The following AOAH variants were observed in gnomAD, a reference collection of about 807,000 sequenced individuals.
AOAH encodes the protein acyloxyacyl hydrolase (neutrophil).
A neutral mutation model predicts 92.2 loss-of-function variants in AOAH; 64 were observed. The ratio of observed to expected loss-of-function variants is 0.69; its 90% CI spans 0.57 to 0.86. AOAH has a LOEUF of 0.86. AOAH is among the 40% of genes least tolerant of loss of function. The pLI is 0.00. For missense variants in AOAH, 656 were observed against 694.6 expected, an observed-to-expected ratio of 0.94 and a Z score of 0.62; for synonymous variants, 263 against 254.5, an observed-to-expected ratio of 1.03 and a Z score of -0.32.
intron 6 of AOAH, among the ~76,000 whole-genome samples, chr7:36,629,427 C>T (rs1562638217): frequency 6.6e-6 from 1 of 152,156 alleles, no homozygotes; most frequent in East Asian, 1.9e-4. Flanking sequence ...GGGCAGGGGG[C>T]TCGATTTAAT....
chr7:36,633,234 C>T (rs919286679), intron 5 of AOAH, among the ~76,000 whole-genome samples: 1 of 152,218 alleles, frequency 6.6e-6, no homozygotes, highest in South Asian at 2.1e-4. Flanking sequence ...CACATCCCCA[C>T]CTCAGGGCTG....
At chr7:36,647,793 T>C (rs1013972169) in intron 4 of AOAH, among the ~76,000 whole-genome samples, 1 of 151,392 alleles carries the variant, frequency 6.6e-6, no homozygotes, top group African/African-American at 2.4e-5. Context: ...AGAGCATAAA[T>C]CCAGACATAG....
At chr7:36,644,305 C>T (rs558592080) in intron 4 of AOAH, among the ~76,000 whole-genome samples, 9 of 151,950 alleles carry the variant, frequency 5.9e-5, no homozygotes, top group Non-Finnish European at 2.9e-5. Flanking sequence ...TCACTCTGCG[C>T]TGGGAGATAG....
rs760640919 is a variant in AOAH at position 36,530,420 on chromosome 7, T to G, written c.1520A>C (p.Glu507Ala). The G allele has an allele frequency of 1.9e-6, 3 of 1,607,440 alleles. No individual in the cohort carries two copies. Among genetic ancestry groups the G allele is most frequent in the Middle Eastern group, 1.6e-4 (1 of 6,074 alleles). The part of the protein sequence containing the change: ...NLFYMDFAFH[E>A]IIQEWQKRGG... Reference sequence around the variant, plus strand: ...AATACCCAAACAAAGCTACTTACTTTCATGGAAGGCAAAATCCATGTAGAA... The same window carrying G: ...AATACCCAAACAAAGCTACTTACTTGCATGGAAGGCAAAATCCATGTAGAA... Residue 507 changes from glutamate to alanine, a missense_variant and splice_region_variant, in exon 19 of 21, where the codon GAA becomes GCA. By Grantham distance (107) the Glu-to-Ala change is moderately radical. Transcript: ENST00000617537.
intron 4 of AOAH, among the ~76,000 whole-genome samples, chr7:36,653,866 C>G (rs925882487): frequency 6.6e-6 from 1 of 152,142 alleles, no homozygotes; most frequent in African/African-American, 2.4e-5. Flanking sequence ...CTGGAGATCT[C>G]AAGTTCAGGG....
At chr7:36,579,676 A>G (rs955071265) in intron 12 of AOAH, among the ~76,000 whole-genome samples, 5 of 152,158 alleles carry the variant, frequency 3.3e-5, no homozygotes, top group Non-Finnish European at 5.9e-5. Flanking sequence ...GCATGGGAGA[A>G]AGATGTAGCC....
At chr7:36,615,345 T>C (rs1791782996) in intron 11 of AOAH, among the ~76,000 whole-genome samples, 1 of 152,236 alleles carries the variant, frequency 6.6e-6, no homozygotes, top group African/African-American at 2.4e-5. Flanking sequence ...TGAGGGAGAC[T>C]GCCAAAGAAA....
chr7:36,559,332 C>T (rs146191029), intron 13 of AOAH, among the ~76,000 whole-genome samples: 3 of 152,326 alleles, frequency 2.0e-5, no homozygotes, highest in Non-Finnish European at 2.9e-5. Context: ...AACTGCTTTC[C>T]ACAGTGGCTG....
intron 11 of AOAH, 48 bp downstream of exon 11, chr7:36,616,326 GAAACAA>G: frequency 6.9e-7 from 1 of 1,447,190 alleles, no homozygotes; most frequent in Non-Finnish European, 9.7e-7. Context: ...AGAGCAAGAG[GAAACAA>G]AAACAAAGGC....
At chr7:36,635,488 G>C (rs1047141614) in intron 5 of AOAH, among the ~76,000 whole-genome samples, 1 of 152,122 alleles carries the variant, frequency 6.6e-6, no homozygotes, top group Non-Finnish European at 1.5e-5. Flanking sequence ...CCCTTGTCGT[G>C]TATTATATTA....
chr7:36,611,652 G>A (rs79086394), intron 11 of AOAH, among the ~76,000 whole-genome samples: 7 of 152,070 alleles, frequency 4.6e-5, no homozygotes, highest in South Asian at 4.2e-4. Flanking sequence ...CCCAGGTTAC[G>A]AAGACACTCC....
At chr7:36,678,803 A>G (rs1796466317) in intron 2 of AOAH, among the ~76,000 whole-genome samples, 2 of 152,192 alleles carry the variant, frequency 1.3e-5, no homozygotes, top group South Asian at 4.1e-4. Flanking sequence ...GTAAGGGTAC[A>G]AAGCAGAAAT....
At chr7:36,521,680 T>C (rs1031132575) in intron 20 of AOAH, among the ~76,000 whole-genome samples, 2 of 139,920 alleles carry the variant, frequency 1.4e-5, no homozygotes, top group African/African-American at 5.4e-5. Flanking sequence ...TCTTTCTTCC[T>C]TTTTTTTTTT....
chr7:36,538,006 TTC>T (rs1363695226), intron 16 of AOAH, among the ~76,000 whole-genome samples: 1 of 148,230 alleles, frequency 6.7e-6, no homozygotes, highest in Non-Finnish European at 1.5e-5. Flanking sequence ...CATTCGTACA[TTC>T]TTTTTTTTTT....
intron 9 of AOAH, among the ~76,000 whole-genome samples, chr7:36,618,718 C>T (rs1792076910): frequency 6.6e-6 from 1 of 152,168 alleles, no homozygotes; most frequent in Non-Finnish European, 1.5e-5. Flanking sequence ...GTCCTGACAT[C>T]TTCAGTACCT....
chr7:36,615,206 G>A lies in AOAH; in HGVS notation c.846+1174C>T, dbSNP rs918848519. Among the ~76,000 whole-genome samples, 9 of 152,190 alleles carry A rather than the reference G, an allele frequency of 5.9e-5. No homozygotes were observed. In the South Asian group the frequency reaches 6.2e-4, roughly 11 times the overall value. On this transcript the variant is annotated intron_variant, in intron 11 of 20. Coordinates refer to ENST00000617537, the MANE Select transcript of AOAH (RefSeq NM_001637.4). ...GATTCCATCTGCATAGGAGTTCAGT[G>A]CTGTTACAGTGGCATGTAAAACTGG...
At chr7:36,699,026 T>TTA (rs1554320649) in intron 1 of AOAH, among the ~76,000 whole-genome samples, 2 of 151,794 alleles carry the variant, frequency 1.3e-5, no homozygotes, top group Non-Finnish European at 2.9e-5. Context: ...CATTTTTTTT[T>TTA]ATCCCACATG....
Position 36,665,991 on chromosome 7 carries a change from T to C in AOAH, c.291-6726A>G, listed in dbSNP as rs561158621. Among the ~76,000 whole-genome samples the C allele has an allele frequency of 1.7e-3, 260 of 152,254 alleles. 3 individuals carry two copies. Among genetic ancestry groups the C allele is most frequent in the African/African-American group, 6.1e-3 (252 of 41,568 alleles). On this transcript the variant is annotated intron_variant, in intron 3 of 20. Transcript: ENST00000617537. ...TTTTCCAATCTATATTCATGAGAGATATTGGTCTGTAGTTTTCTTTTCTTG... is the reference window on the plus strand; with the variant it reads ...TTTTCCAATCTATATTCATGAGAGACATTGGTCTGTAGTTTTCTTTTCTTG...
At chr7:36,711,335 G>A (rs1343280671) in intron 1 of AOAH, among the ~76,000 whole-genome samples, 1 of 151,704 alleles carries the variant, frequency 6.6e-6, no homozygotes. Flanking sequence ...AAAATATTCT[G>A]TATTCTTACC....
Sources: gnomAD v4.1 joint callset for allele counts (sites outside exome capture counted in the v4.1 genomes callset) on GRCh38, gnomAD v4.1.1 for gene constraint, MANE v1.5 for transcripts, NCBI Gene and HGNC (gene_info 2026-07-23, HGNC 2026-07-21) for gene names.